The following E2F4 variants were observed in gnomAD, a reference collection of about 807,000 sequenced individuals.
E2F4 encodes transcription factor E2F4.
Under a neutral mutation model 44.5 loss-of-function variants are expected in E2F4, and 16 were observed. That is an observed-to-expected ratio of 0.36 (90% CI 0.24 to 0.55). The LOEUF (loss-of-function observed/expected upper bound fraction) is 0.55, where lower values mean the gene tolerates loss of function less well. E2F4 is among the 20% of genes least tolerant of loss of function. The pLI is 0.87. For missense variants in E2F4, 473 were observed against 522.1 expected (o/e 0.91, Z 0.92); for synonymous variants, 242 against 207.2 (o/e 1.17, Z -1.44).
intron 6 of E2F4, 139 bp from the exon 7 acceptor site, chr16:67,195,642 TG>T: frequency 2.0e-6 from 3 of 1,496,980 alleles, no homozygotes; most frequent in Non-Finnish European, 1.8e-6. Flanking sequence ...TTACTTCCTC[TG>T]GGGGTGACTG....
rs1468161808 is a variant in E2F4, at chr16:67,195,853, C to G, written c.880C>G (p.Leu294Val). The G allele has an allele frequency of 1.2e-6, 2 of 1,614,148 alleles. No homozygotes were observed. Among genetic ancestry groups the G allele is most frequent in the Non-Finnish European group, 1.7e-6 (2 of 1,180,012 alleles). ...LSSLPLGPTT[L>V]DTRPLQSSAL... ...TTCACTCCCACTGGGCCCAACAACA[C>G]TGGACACCCGGCCACTGCAGTCTTC... The change falls in exon 7 of 10, where the codon CTG (leucine) becomes GTG (valine). Residue 294 changes from leucine (L) to valine (V), a missense_variant. Coordinates refer to ENST00000379378, the MANE Select transcript of E2F4 (RefSeq NM_001950.4).
chr16:67,196,158 C>G (rs1419761977), intron 7 of E2F4, 152 bp downstream of exon 7: 17 of 1,140,250 alleles, frequency 1.5e-5, no homozygotes, highest in Non-Finnish European at 2.2e-5. Context: ...AGTGCTGGTG[C>G]CCCCTCTAGC....
chr16:67,198,445 G>T lies in E2F4; in HGVS notation c.*322G>T, dbSNP rs1229670951. The T allele has an allele frequency of 1.2e-5, 4 of 340,986 alleles. No individual in the cohort carries two copies. Among genetic ancestry groups the T allele is most frequent in the Non-Finnish European group, 2.2e-5 (4 of 179,802 alleles). 21.1% of individuals were successfully genotyped at this position (340,986 alleles called of 1,614,324 possible). ...GGAGCTGCCATTACCCCCCATAGGG[G>T]GCAGTGTCTTGTTCCTGCCAGCCTC... On this transcript the variant is annotated 3_prime_UTR_variant, in exon 10 of 10. Coordinates refer to ENST00000379378, the MANE Select transcript of E2F4 (RefSeq NM_001950.4).
intron 4 of E2F4, 85 bp downstream of exon 4, chr16:67,193,600 C>G: frequency 3.4e-6 from 5 of 1,458,324 alleles, no homozygotes; most frequent in Non-Finnish European, 4.8e-6. Flanking sequence ...TAGGAGAGTT[C>G]TGTCTCTTAA....
In E2F4 at chr16:67,195,772, A is replaced by G. The variant is rs1381990218; in HGVS notation, c.809-10A>G. On this transcript the variant is annotated splice_polypyrimidine_tract_variant and intron_variant, in intron 6 of 9. Coordinates refer to ENST00000379378, the MANE Select transcript of E2F4 (RefSeq NM_001950.4). ...CCTTGTATGACTGGGTTTGGGGGCT[A>G]TCATTGTAGTGAGTGGCGGCCCTGG... 6.2e-7 allele frequency: 1 copy of G among 1,613,866 alleles called. No individual in the cohort carries two copies. Among genetic ancestry groups the G allele is most frequent in the East Asian group, 2.2e-5 (1 of 44,888 alleles).
Position 67,192,256 on chromosome 16 carries a change from C to G in E2F4, c.29C>G (p.Pro10Arg). 1.6e-6 allele frequency: 2 copies of G among 1,281,696 alleles called. No individual in the cohort carries two copies. Among genetic ancestry groups the G allele is most frequent in the Non-Finnish European group, 2.0e-6 (2 of 1,010,526 alleles). 79.4% of individuals were successfully genotyped at this position (1,281,696 alleles called of 1,614,324 possible). A position where few individuals can be genotyped will look rare whatever the true frequency, so the allele number is the denominator to read the frequency against. The change falls in exon 1 of 10, where the codon CCG becomes CGG. Residue 10 changes from proline (P) to arginine (R), a missense_variant. Physicochemically the swap from Pro to Arg is moderately radical, Grantham distance 103 (BLOSUM62 -2). Around this residue, in one of 3 missense-constraint regions of E2F4, gnomAD observed 40 missense variants for 30.8 expected, o/e 1.30. Coordinates refer to ENST00000379378, the MANE Select transcript of E2F4 (RefSeq NM_001950.4). The part of the protein sequence containing the change: MAEAGPQAP[P>R]PPGTPSRHEK... ...GCGGAGGCCGGGCCACAGGCGCCGCCGCCCCCGGGCACTCCAAGCCGGCAC... is the reference window on the plus strand; with the variant it reads ...GCGGAGGCCGGGCCACAGGCGCCGCGGCCCCCGGGCACTCCAAGCCGGCAC...
At chr16:67,192,653 A>G (rs1479592644) in intron 1 of E2F4, 108 bp from the exon 2 acceptor site, 5 of 1,099,344 alleles carry the variant, frequency 4.5e-6, no homozygotes, top group Non-Finnish European at 5.3e-6. Context: ...AGCGCCTGGG[A>G]GGCACTACAG....
intron 6 of E2F4, 64 bp from the exon 7 acceptor site, chr16:67,195,718 C>A: frequency 6.2e-7 from 1 of 1,602,922 alleles, no homozygotes. Flanking sequence ...TGGGTTCCAG[C>A]ACAGCCAGTT....
chr16:67,197,983 G>C (rs1167262939), intron 9 of E2F4, 25 bp from the exon 10 acceptor site: 1 of 1,613,962 alleles, frequency 6.2e-7, no homozygotes, highest in African/African-American at 1.3e-5. Flanking sequence ...CCTGGCCCAG[G>C]GCCTGAGACT....
At position 67,195,821 on chromosome 16, in the gene E2F4, A is replaced by T; in HGVS notation, c.848A>T (p.Glu283Val). The change falls in exon 7 of 10, where the codon GAG becomes GTG. Residue 283 changes from glutamate (E) to valine (V), a missense_variant. Glu to Val is a moderately radical substitution (Grantham distance 121). Around this residue, in one of 3 missense-constraint regions of E2F4, gnomAD observed 314 missense variants for 315.6 expected, o/e 0.99. Transcript: ENST00000379378. ...GGGACTGATAGCAAGGACAGTGGTG[A>T]GCTCAGTTCACTCCCACTGGGCCCA... The part of the protein sequence containing the change: ...GPGTDSKDSG[E>V]LSSLPLGPTT... 1 of 1,613,918 alleles carries T rather than the reference A, an allele frequency of 6.2e-7. No homozygotes were observed. The highest frequency in any genetic ancestry group is 8.5e-7 in the Non-Finnish European group (1 of 1,179,992).
rs141549734 is a variant in E2F4, at chr16:67,197,898, G to A, written c.1113G>A (p.Leu371=). 31 of 1,614,120 alleles carry A rather than the reference G, an allele frequency of 1.9e-5. No individual in the cohort carries two copies. The African/African-American group carries it at 2.3e-4, about 12-fold the overall frequency. ...TGAGCTCGGAGCTGCTGGAGGAGTT[G>A]ATGTCCTCAGAAGGTGGGTGGCCCT... is the stretch of plus-strand genomic sequence containing the variant. ...ECMSSELLEE[L]MSSEVFAPLL... is the part of the protein sequence containing the mutation. Residue 371 remains leucine, a synonymous_variant, in exon 9 of 10, where the codon TTG becomes TTA. Coordinates refer to ENST00000379378, the MANE Select transcript of E2F4 (RefSeq NM_001950.4).
intron 7 of E2F4, 139 bp downstream of exon 7, chr16:67,196,145 G>A (rs1597276345): frequency 1.9e-5 from 25 of 1,288,592 alleles, no homozygotes; most frequent in Non-Finnish European, 2.6e-5. Flanking sequence ...GCACCTCTGG[G>A]TCAGTGCTGG....
intron 2 of E2F4, 25 bp downstream of exon 2, chr16:67,192,895 G>C: frequency 6.3e-7 from 1 of 1,593,294 alleles, no homozygotes; most frequent in Non-Finnish European, 8.6e-7. Context: ...TGGGAGGGTA[G>C]TAGAGTCTCC....
In E2F4 at chr16:67,195,839, T is replaced by G; in HGVS notation, c.866T>G (p.Leu289Arg). ...AGTGGTGAGCTCAGTTCACTCCCAC[T>G]GGGCCCAACAACACTGGACACCCGG... ...KDSGELSSLPLGPTTLDTRPL... is the reference protein window; with the variant it reads ...KDSGELSSLPRGPTTLDTRPL... Residue 289 changes from leucine to arginine, a missense_variant, in exon 7 of 10, where the codon CTG becomes CGG. Transcript: ENST00000379378. 6.2e-7 allele frequency: 1 copy of G among 1,614,100 alleles called. No individual in the cohort carries two copies. The highest frequency in any genetic ancestry group is 1.1e-5 in the South Asian group (1 of 91,082).
intron 6 of E2F4, among the ~76,000 whole-genome samples, chr16:67,195,265 G>T (rs2032949224): frequency 6.6e-6 from 1 of 152,210 alleles, no homozygotes; most frequent in African/African-American, 2.4e-5. Context: ...CTCCTGAGTA[G>T]CTGGGATTAC....
chr16:67,193,899 GA>G, intron 4 of E2F4: 1 of 294,808 alleles, frequency 3.4e-6, no homozygotes, highest in South Asian at 5.7e-5. Context: ...GTTGCATTGT[GA>G]ATACAGGATC....
chr16:67,193,192 C>T (rs767466593), intron 3 of E2F4, 22 bp downstream of exon 3: 3 of 1,555,918 alleles, frequency 1.9e-6, no homozygotes, highest in Middle Eastern at 1.7e-4. Flanking sequence ...GCGGTCCCTG[C>T]TGGGGGGAGT....
Position 67,193,522 on chromosome 16 carries a change from A to G in E2F4, c.451+7A>G. ...ATCTGCAGATGCTTTGCTGGTGAGC[A>G]GAGCCTGGGTAGGGGTAAGGGGGTG... is the stretch of plus-strand genomic sequence containing the variant. On this transcript the variant is annotated splice_region_variant and intron_variant, in intron 4 of 9. Transcript: ENST00000379378. The G allele has an allele frequency of 6.2e-7, 1 of 1,614,174 alleles. No individual in the cohort carries two copies. The highest frequency in any genetic ancestry group is 8.5e-7 in the Non-Finnish European group (1 of 1,180,018).
chr16:67,194,563 G>A (rs929141223), intron 5 of E2F4, 104 bp downstream of exon 5: 1 of 1,575,446 alleles, frequency 6.3e-7, no homozygotes, highest in Non-Finnish European at 8.7e-7. Context: ...TGGAGTTTGG[G>A]GTTATCTAGG....
Sources: gnomAD v4.1 joint callset for allele counts (sites outside exome capture counted in the v4.1 genomes callset) on GRCh38, gnomAD v4.1.1 for gene constraint, gnomAD v4.1.1 regional missense constraint, MANE v1.5 for transcripts, NCBI Gene and HGNC (gene_info 2026-07-23, HGNC 2026-07-21) for gene names.